Variants in ZNF732 observed in about 807,000 individuals in gnomAD.
ZNF732 encodes zinc finger protein 732, also known as zinc finger protein LOC654254.
In ZNF732, 12 loss-of-function variants were observed where a neutral mutation model predicts 11.5. That is an observed-to-expected ratio of 1.05 (90% CI 0.67 to 1.70). ZNF732 has a LOEUF of 1.70. ZNF732 is among the 40% of genes most tolerant of loss of function. The probability of loss-of-function intolerance (pLI) is 0.00; values close to 1 mark genes in which losing one functional copy is unlikely to be tolerated. For missense variants in ZNF732, 702 were observed against 676.9 expected (o/e 1.04, Z -0.41); for synonymous variants, 231 against 236.5 (o/e 0.98, Z 0.21).
At chr4:293,840 TTTTTA>T (rs1462617999) in intron 3 of ZNF732, among the ~76,000 whole-genome samples, 7 of 152,020 alleles carry the variant, frequency 4.6e-5, no homozygotes, top group Admixed American at 3.9e-4. Flanking sequence ...AGTTATACTA[TTTTTA>T]TTTATCAGAA....
chr4:299,416 CACATATATACACATAT>C (rs1720042130), intron 1 of ZNF732, among the ~76,000 whole-genome samples: 1 of 56,234 alleles, frequency 1.8e-5, no homozygotes, highest in South Asian at 7.0e-4. Context: ...TATATATATA[CACATATATACACATAT>C]GTGTATATAT....
intron 1 of ZNF732, among the ~76,000 whole-genome samples, 196 bp downstream of exon 1, chr4:305,112 G>GT (rs1212605503): frequency 4.6e-5 from 7 of 152,206 alleles, no homozygotes; most frequent in Admixed American, 6.5e-5. Flanking sequence ...AGCTGCACAA[G>GT]TAGGGCTGCA....
At chr4:274,175 A>T (rs570633565) in intron 3 of ZNF732, among the ~76,000 whole-genome samples, 1 of 151,890 alleles carries the variant, frequency 6.6e-6, no homozygotes, top group East Asian at 1.9e-4. Context: ...AGGAAAGCAT[A>T]AAAATGATCA....
chr4:281,313 A>C (rs1553839755), intron 3 of ZNF732, among the ~76,000 whole-genome samples: 1 of 152,228 alleles, frequency 6.6e-6, no homozygotes, highest in Non-Finnish European at 1.5e-5. Flanking sequence ...AAGCAGCCGC[A>C]TGAATCAGTT....
intron 3 of ZNF732, among the ~76,000 whole-genome samples, chr4:275,734 TCA>T (rs1338681381): frequency 2.0e-5 from 3 of 151,762 alleles, no homozygotes; most frequent in African/African-American, 2.4e-5. Flanking sequence ...GAAATATTAC[TCA>T]GTTTGTAAAA....
At chr4:276,201 T>C (rs1719492022) in intron 3 of ZNF732, among the ~76,000 whole-genome samples, 1 of 151,800 alleles carries the variant, frequency 6.6e-6, no homozygotes, top group Admixed American at 6.6e-5. Context: ...CCACCATTGT[T>C]ACACACAAAC....
chr4:278,463 T>C (rs1719546952), intron 3 of ZNF732, among the ~76,000 whole-genome samples: 1 of 152,190 alleles, frequency 6.6e-6, no homozygotes, highest in Non-Finnish European at 1.5e-5. Flanking sequence ...GACACATCTT[T>C]GTGGAGGAAA....
At chr4:273,927 G>A (rs1304829766) in intron 3 of ZNF732, among the ~76,000 whole-genome samples, 1 of 149,074 alleles carries the variant, frequency 6.7e-6, no homozygotes, top group Admixed American at 6.7e-5. Context: ...TCCTAAAAAT[G>A]AAGAAAGAAT....
Position 271,871 on chromosome 4 carries a change from G to T in ZNF732, c.986C>A (p.Thr329Asn). Residue 329 changes from threonine (T) to asparagine (N), a missense_variant, in exon 4 of 4, where the codon ACT (threonine) becomes AAT (asparagine). Transcript: ENST00000419098. ...TTCACATGTGTAGGGTTTCTCTCCAGTATGAATTCTGTTATGTTTAGTAAG... is the reference window on the plus strand; with the variant it reads ...TTCACATGTGTAGGGTTTCTCTCCATTATGAATTCTGTTATGTTTAGTAAG... ...TTLTKHNRIH[T>N]GEKPYTCEEC... 3 of 1,613,616 alleles carry T rather than the reference G, an allele frequency of 1.9e-6. No homozygotes were observed. Among genetic ancestry groups the T allele is most frequent in the Middle Eastern group, 3.3e-4 (2 of 6,062 alleles).
chr4:277,669 T>C (rs372148751), intron 3 of ZNF732, among the ~76,000 whole-genome samples: 1 of 151,916 alleles, frequency 6.6e-6, no homozygotes, highest in East Asian at 1.9e-4. Flanking sequence ...AGTAGAGCCA[T>C]TATAGAAAAA....
intron 3 of ZNF732, among the ~76,000 whole-genome samples, chr4:287,076 G>A (rs539030428): frequency 2.0e-5 from 3 of 152,004 alleles, no homozygotes; most frequent in Admixed American, 6.5e-5. Context: ...GCGTGAACCC[G>A]GGAGGCGAAG....
rs371346541 is a variant in ZNF732, at chr4:296,047, T to C, written c.112A>G (p.Arg38Gly). ...LYRDVMLENYRNLISLGVAIS... is the reference protein window; with the variant it reads ...LYRDVMLENYGNLISLGVAIS... ...TCCTCACCCAGGGAGATCAGGTTCC[T>C]GTAGTTCTCCAACATCACATCTCTA... The change falls in exon 2 of 4, where the codon AGG (arginine) becomes GGG (glycine). Residue 38 changes from arginine (R) to glycine (G), a missense_variant. Physicochemically the swap from Arg to Gly is moderately radical, Grantham distance 125. Coordinates refer to ENST00000419098, the MANE Select transcript of ZNF732 (RefSeq NM_001137608.3). 5.0e-6 allele frequency: 8 copies of C among 1,613,656 alleles called. No individual in the cohort carries two copies. The African/African-American group carries it at 1.1e-4, about 22-fold the overall frequency.
intron 3 of ZNF732, among the ~76,000 whole-genome samples, chr4:276,362 CAAT>C (rs1336834196): frequency 4.6e-5 from 7 of 151,886 alleles, no homozygotes; most frequent in Admixed American, 1.3e-4. Context: ...CTGTCATAGA[CAAT>C]AATAATACTA....
chr4:296,248 G>C, intron 1 of ZNF732, 93 bp from the exon 2 acceptor site: 2 of 1,488,270 alleles, frequency 1.3e-6, no homozygotes. Context: ...GACTGACTGA[G>C]ATTATCTGAT....
chr4:287,611 T>A (rs1719758667), intron 3 of ZNF732, among the ~76,000 whole-genome samples: 1 of 151,836 alleles, frequency 6.6e-6, no homozygotes, highest in Admixed American at 6.6e-5. Flanking sequence ...GTAATCCTGA[T>A]GAAAACACAA....
At chr4:299,885 G>A (rs1326537186) in intron 1 of ZNF732, among the ~76,000 whole-genome samples, 6 of 131,632 alleles carry the variant, frequency 4.6e-5, no homozygotes, top group Non-Finnish European at 9.5e-5. Context: ...TTTTTTTTAA[G>A]TAGAGACGGG....
chr4:289,654 CTT>C (rs1719800696), intron 3 of ZNF732, among the ~76,000 whole-genome samples: 1 of 151,862 alleles, frequency 6.6e-6, no homozygotes, highest in African/African-American at 2.4e-5. Context: ...GATTTTTTTT[CTT>C]TGTTAAAATA....
chr4:302,282 A>C (rs955787189), intron 1 of ZNF732, among the ~76,000 whole-genome samples: 41 of 152,176 alleles, frequency 2.7e-4, no homozygotes, highest in African/African-American at 9.7e-4. Flanking sequence ...AATCATCTCC[A>C]ATCCTAAAAA....
chr4:305,454 G>A lies in ZNF732; in HGVS notation c.-144C>T. On this transcript the variant is annotated 5_prime_UTR_variant, in exon 1 of 4. Coordinates refer to ENST00000419098, the MANE Select transcript of ZNF732 (RefSeq NM_001137608.3). ...GCACGGCCGTGGAGACCCTAACCGA[G>A]CTCACGCTGGCGCAAAAGGCAAAAG... 2.5e-6 allele frequency: 3 copies of A among 1,193,324 alleles called. No individual in the cohort carries two copies. The highest frequency in any genetic ancestry group is 2.3e-6 in the Non-Finnish European group (2 of 859,586). The allele number at this position is 1,193,324 out of a possible 1,614,324, so 73.9% of individuals were successfully genotyped here.
Sources: allele counts gnomAD v4.1 joint callset (sites outside exome capture counted in the v4.1 genomes callset), GRCh38; gene constraint gnomAD v4.1.1; transcripts MANE v1.5; gene names NCBI Gene and HGNC (gene_info 2026-07-23, HGNC 2026-07-21).